LARS1: variants seen among roughly 807,000 people sequenced by gnomAD.
The protein encoded by LARS1 is leucyl-tRNA synthetase 1, also known as leucine--tRNA ligase, cytoplasmic.
Under a neutral mutation model 162.8 loss-of-function variants are expected in LARS1, and 100 were observed. The observed-to-expected ratio is 0.61, with a 90% CI of 0.52 to 0.73. LARS1 has a LOEUF of 0.73. LARS1 is among the 30% of genes least tolerant of loss of function. The probability of loss-of-function intolerance (pLI) is 0.00; values close to 1 mark genes in which losing one functional copy is unlikely to be tolerated. For missense variants in LARS1, 1,258 were observed against 1,408.9 expected, an observed-to-expected ratio of 0.89 and a Z score of 1.71; for synonymous variants, 457 against 462.8, an observed-to-expected ratio of 0.99 and a Z score of 0.16.
Position 146,172,726 on chromosome 5 carries a change from G to A in LARS1, c.174C>T (p.Arg58=), listed in dbSNP as rs201410450. The A allele has an allele frequency of 5.0e-6, 8 of 1,584,474 alleles. No individual in the cohort carries two copies. In the Admixed American group the frequency reaches 1.3e-4, roughly 25 times the overall value. Residue 58 remains arginine (R), a synonymous_variant, in exon 3 of 32, where the codon CGC becomes CGT. Transcript: ENST00000394434. ...AAGAAAACGTGTGTCCCAAATGAAG[G>A]CGTCCATTCATATATGGATATGGGA... ...VTFPYPYMNG[R]LHLGHTFSLS...
chr5:146,156,071 T>C (rs947408173), intron 10 of LARS1, among the ~76,000 whole-genome samples: 1 of 152,220 alleles, frequency 6.6e-6, no homozygotes, highest in Non-Finnish European at 1.5e-5. Context: ...GTACAATGCA[T>C]ATAAAGTATA....
intron 2 of LARS1, among the ~76,000 whole-genome samples, chr5:146,174,360 G>A (rs1243358371): frequency 2.7e-5 from 4 of 147,984 alleles, no homozygotes; most frequent in Admixed American, 6.9e-5. Context: ...CAGGAGAATC[G>A]CTTGAACACG....
At chr5:146,176,562 C>G (rs996331133) in intron 2 of LARS1, among the ~76,000 whole-genome samples, 3 of 151,786 alleles carry the variant, frequency 2.0e-5, no homozygotes, top group Non-Finnish European at 4.4e-5. Flanking sequence ...TGTTAACTTA[C>G]TATTATTGTT....
At position 146,133,036 on chromosome 5, in the gene LARS1, G is replaced by A; in HGVS notation, c.2258C>T (p.Ala753Val). 1 of 1,613,970 alleles carries A rather than the reference G, an allele frequency of 6.2e-7. No homozygotes were observed. Among genetic ancestry groups the A allele is most frequent in the Non-Finnish European group, 8.5e-7 (1 of 1,179,962 alleles). ...ATCTGCCATGGCTTCCACAAAGTTGGCATCTTCTACAGTGTCACCAGCATC... is the reference window on the plus strand; with the variant it reads ...ATCTGCCATGGCTTCCACAAAGTTGACATCTTCTACAGTGTCACCAGCATC... Reference protein sequence around the residue: ...LADAGDTVEDANFVEAMADAG... With the variant: ...LADAGDTVEDVNFVEAMADAG... The change falls in exon 23 of 32, where the codon GCC becomes GTC. Residue 753 changes from alanine to valine, a missense_variant. Coordinates refer to ENST00000394434, the MANE Select transcript of LARS1 (RefSeq NM_020117.11).
At chr5:146,136,359 T>G (rs1036611967) in intron 21 of LARS1, among the ~76,000 whole-genome samples, 1 of 152,242 alleles carries the variant, frequency 6.6e-6, no homozygotes, top group Admixed American at 6.5e-5. Context: ...TGTATTGTTC[T>G]TCTTTGACTT....
chr5:146,128,189 C>T (rs1424225200), intron 27 of LARS1, among the ~76,000 whole-genome samples: 1 of 152,102 alleles, frequency 6.6e-6, no homozygotes, highest in Non-Finnish European at 1.5e-5. Flanking sequence ...TCAAGCTCTA[C>T]ATTTCTATAG....
intron 13 of LARS1, among the ~76,000 whole-genome samples, chr5:146,152,591 C>T (rs775411397): frequency 6.6e-6 from 1 of 152,148 alleles, no homozygotes; most frequent in Non-Finnish European, 1.5e-5. Context: ...ATTCCCCTAC[C>T]ACACCCTGCT....
chr5:146,159,071 G>C (rs1051097348), intron 8 of LARS1, among the ~76,000 whole-genome samples: 1 of 151,652 alleles, frequency 6.6e-6, no homozygotes, highest in African/African-American at 2.4e-5. Flanking sequence ...AGTCCGGTCT[G>C]GGCTAAAGAG....
intron 21 of LARS1, among the ~76,000 whole-genome samples, chr5:146,137,343 CTT>C (rs34662124): frequency 4.7e-5 from 7 of 150,014 alleles, no homozygotes; most frequent in Admixed American, 4.6e-4. Context: ...TAATTTTGTA[CTT>C]TTTTTTTTAA....
At chr5:146,123,059 T>A (rs1481830884) in intron 29 of LARS1, among the ~76,000 whole-genome samples, 1 of 152,014 alleles carries the variant, frequency 6.6e-6, no homozygotes, top group African/African-American at 2.4e-5. Flanking sequence ...TTTTTTGACC[T>A]ACATGAATAT....
At chr5:146,181,626 T>C (rs1292568860) in intron 1 of LARS1, among the ~76,000 whole-genome samples, 2 of 151,988 alleles carry the variant, frequency 1.3e-5, no homozygotes, top group Non-Finnish European at 2.9e-5. Flanking sequence ...CATTCCAGTC[T>C]GGGTCACAGA....
chr5:146,136,923 G>A (rs1752526899), intron 21 of LARS1, among the ~76,000 whole-genome samples: 1 of 151,884 alleles, frequency 6.6e-6, no homozygotes, highest in African/African-American at 2.4e-5. Flanking sequence ...TTTTTGAGAT[G>A]CAGTTTCACT....
intron 28 of LARS1, 32 bp downstream of exon 28, chr5:146,126,403 G>A: frequency 7.5e-7 from 1 of 1,335,118 alleles, no homozygotes; most frequent in Non-Finnish European, 1.1e-6. Flanking sequence ...CATTGCTCAT[G>A]TGGTCACAGC....
At chr5:146,181,890 G>T (rs1325230050) in intron 1 of LARS1, among the ~76,000 whole-genome samples, 1 of 90,200 alleles carries the variant, frequency 1.1e-5, no homozygotes, top group Admixed American at 1.6e-4. Context: ...GCTGTAAGTA[G>T]GAATCAACTT....
intron 22 of LARS1, among the ~76,000 whole-genome samples, chr5:146,135,364 T>C (rs111921770): frequency 2.0e-5 from 3 of 152,218 alleles, no homozygotes; most frequent in Admixed American, 1.3e-4. Flanking sequence ...AGCAATGATA[T>C]TGAGTTCATT....
chr5:146,134,986 T>C (rs771571038), intron 22 of LARS1, among the ~76,000 whole-genome samples: 20 of 152,064 alleles, frequency 1.3e-4, no homozygotes, highest in Non-Finnish European at 1.8e-4. Flanking sequence ...AGAGGAAATA[T>C]CTTGGAAAAG....
chr5:146,139,019 A>C, intron 21 of LARS1: 1 of 369,238 alleles, frequency 2.7e-6, no homozygotes, highest in Non-Finnish European at 5.3e-6. Flanking sequence ...ACTAACGAAA[A>C]GTCAATAAAA....
chr5:146,159,323 A>C (rs1753671242), intron 8 of LARS1, 84 bp downstream of exon 8: 4 of 1,055,922 alleles, frequency 3.8e-6, no homozygotes, highest in African/African-American at 1.6e-5. Flanking sequence ...ACTACAAAGA[A>C]GTTATTTTTA....
Position 146,144,521 on chromosome 5 carries a change from C to T in LARS1, c.1606G>A (p.Glu536Lys). 6.2e-7 allele frequency: 1 copy of T among 1,613,922 alleles called. No individual in the cohort carries two copies. Among genetic ancestry groups the T allele is most frequent in the South Asian group, 1.1e-5 (1 of 90,996 alleles). Residue 536 changes from glutamate (E) to lysine (K), a missense_variant, in exon 17 of 32, where the codon GAA becomes AAA. Glu to Lys is a moderately conservative substitution (Grantham distance 56). Coordinates refer to ENST00000394434, the MANE Select transcript of LARS1 (RefSeq NM_020117.11). ...LCDQWYLDYG[E>K]ENWKKQTSQC... ...GATGTCTGTTTCTTCCAATTCTCTT[C>T]TCCATAATCCAAGTACCTGGGAGTG...
Sources: gnomAD v4.1 joint callset for allele counts (sites outside exome capture counted in the v4.1 genomes callset) on GRCh38, gnomAD v4.1.1 for gene constraint, MANE v1.5 for transcripts, NCBI Gene and HGNC (gene_info 2026-07-23, HGNC 2026-07-21) for gene names.